Variants in KMT2A observed in about 807,000 individuals in gnomAD.
KMT2A encodes histone-lysine N-methyltransferase 2A.
A neutral mutation model predicts 345.3 loss-of-function variants in KMT2A; 16 were observed. That is an observed-to-expected ratio of 0.05 (90% confidence interval 0.03 to 0.07). The LOEUF (loss-of-function observed/expected upper bound fraction) is 0.07. KMT2A is among the 10% of genes least tolerant of loss of function. The probability of loss-of-function intolerance (pLI) is 1.00; values close to 1 mark genes in which losing one functional copy is unlikely to be tolerated. For missense variants in KMT2A, 3,272 were observed against 4,841.6 expected (o/e 0.68, Z 9.62); for synonymous variants, 1,599 against 1,778.6 (o/e 0.90, Z 2.54).
At chr11:118,486,079 T>C (rs1950224342) in intron 10 of KMT2A, among the ~76,000 whole-genome samples, 1 of 151,698 alleles carries the variant, frequency 6.6e-6, no homozygotes, top group Non-Finnish European at 1.5e-5. Context: ...CAAGACTCCG[T>C]CTCAAAAAAA....
Position 118,524,818 on chromosome 11 carries a change from A to T in KMT2A, c.*2646A>T, listed in dbSNP as rs528885633. 18 of 183,228 alleles carry T rather than the reference A, an allele frequency of 9.8e-5. No individual in the cohort carries two copies. The East Asian group carries it at 1.6e-3, about 16-fold the overall frequency. 11.4% of individuals were successfully genotyped at this position (183,228 alleles called of 1,614,324 possible). ...AAAGGCCAGTCAGGGGGTGGGGGGA[A>T]CTCAGCTAAATAGACCTAGTTACTG... On this transcript the variant is annotated 3_prime_UTR_variant, in exon 36 of 36. Coordinates refer to ENST00000534358, the MANE Select transcript of KMT2A (RefSeq NM_001197104.2).
Position 118,472,169 on chromosome 11 carries a change from C to T in KMT2A, c.1010C>T (p.Thr337Ile). The change falls in exon 3 of 36, where the codon ACA (threonine) becomes ATA (isoleucine). Residue 337 changes from threonine (T) to isoleucine (I), a missense_variant. Around this residue, in one of 27 missense-constraint regions of KMT2A, gnomAD observed 412 missense variants for 511.0 expected, o/e 0.81. Transcript: ENST00000534358. ...AAAGTCCGGAAAGACAAGGAAGGAACACCTCCACTTACAAAAGAAGATAAG... is the reference window on the plus strand; with the variant it reads ...AAAGTCCGGAAAGACAAGGAAGGAATACCTCCACTTACAAAAGAAGATAAG... ...PQKVRKDKEG[T>I]PPLTKEDKTV... 6.2e-7 allele frequency: 1 copy of T among 1,614,016 alleles called. No individual in the cohort carries two copies. Among genetic ancestry groups the T allele is most frequent in the Non-Finnish European group, 8.5e-7 (1 of 1,180,016 alleles).
chr11:118,504,644 A>G lies in KMT2A; in HGVS notation c.8752A>G (p.Ile2918Val), dbSNP rs1950551674. ...EPVDSSVSSS[I>V]SAEEQFELPL... ...TGTGGATAGTAGTGTCTCTTCCTCT[A>G]TCTCAGCAGAGGAACAGTTTGAGTT... The change falls in exon 27 of 36, where the codon ATC becomes GTC. Residue 2918 changes from isoleucine to valine, a missense_variant. Ile to Val is a conservative substitution (Grantham distance 29). Transcript: ENST00000534358. The surrounding 1 kb of genome is among the most constrained non-coding windows in gnomAD (Gnocchi z 6.4). 2.5e-6 allele frequency: 4 copies of G among 1,613,682 alleles called. No individual in the cohort carries two copies. The highest frequency in any genetic ancestry group is 3.4e-6 in the Non-Finnish European group (4 of 1,179,578).
Position 118,468,804 on chromosome 11 carries a change from T to C in KMT2A, c.462T>C (p.Asp154=). 2 of 1,613,170 alleles carry C rather than the reference T, an allele frequency of 1.2e-6. No homozygotes were observed. The highest frequency in any genetic ancestry group is 1.7e-6 in the Non-Finnish European group (2 of 1,179,306). Reference sequence around the variant, plus strand: ...AGCAATTCTTAGGTTTTGGCTCAGATGAAGAAGTCAGAGTGCGAAGTCCCA... The same window carrying C: ...AGCAATTCTTAGGTTTTGGCTCAGACGAAGAAGTCAGAGTGCGAAGTCCCA... ...EDEQFLGFGS[D]EEVRVRSPTR... The change falls in exon 2 of 36, where the codon GAT becomes GAC. Residue 154 remains aspartate, a synonymous_variant. Transcript: ENST00000534358.
chr11:118,472,104 T>G lies in KMT2A; in HGVS notation c.945T>G (p.Pro315=). 6.2e-7 allele frequency: 1 copy of G among 1,613,836 alleles called. No homozygotes were observed. Residue 315 remains proline (P), a synonymous_variant, in exon 3 of 36, where the codon CCT becomes CCG. Transcript: ENST00000534358. ...RPPSTERIKT[P]SGLLINSELE... ...CATCAACAGAAAGGATAAAGACCCC[T>G]TCGGGTCTCCTCATTAATTCTGAAC... is the stretch of plus-strand genomic sequence containing the variant.
Position 118,473,493 on chromosome 11 carries a change from C to G in KMT2A, c.2334C>G (p.Ser778=), listed in dbSNP as rs148319291. Residue 778 remains serine (S), a synonymous_variant, in exon 3 of 36, where the codon TCC becomes TCG. Transcript: ENST00000534358. This position sits in a 1 kb window ranked among gnomAD's most constrained non-coding sequence, Gnocchi z 5.2. ...SPLTPPSSVS[S]SLSISVSPLA... is the part of the protein sequence containing the mutation. The stretch of plus-strand genomic sequence containing the variant: ...TCACCCCCCCGTCTTCTGTCTCTTC[C>G]TCGTTAAGCATTTCTGTTAGTCCTC... The G allele has an allele frequency of 6.2e-7, 1 of 1,614,020 alleles. No individual in the cohort carries two copies. The highest frequency in any genetic ancestry group is 1.3e-5 in the African/African-American group (1 of 74,916).
In KMT2A at chr11:118,503,147, G is replaced by A. The variant is rs782181274; in HGVS notation, c.7255G>A (p.Glu2419Lys). The A allele has an allele frequency of 7.6e-5, 123 of 1,613,724 alleles. No individual in the cohort carries two copies. The Middle Eastern group carries it at 9.9e-4, about 13-fold the overall frequency. ...GMSNRSSIIN[E>K]HMGSSSRDRR... ...GAGCAACAGATCATCCATTATCAAC[G>A]AACATATGGGATCTAGTTCCAGAGA... Residue 2419 changes from glutamate to lysine, a missense_variant, in exon 27 of 36, where the codon GAA (glutamate) becomes AAA (lysine). Coordinates refer to ENST00000534358, the MANE Select transcript of KMT2A (RefSeq NM_001197104.2). This position sits in a 1 kb window ranked among gnomAD's most constrained non-coding sequence, Gnocchi z 5.3.
In KMT2A at chr11:118,494,258, G is replaced by T. The variant is rs1950369376; in HGVS notation, c.5179-30G>T. 1 of 1,146,428 alleles carries T rather than the reference G, an allele frequency of 8.7e-7. No individual in the cohort carries two copies. Among genetic ancestry groups the T allele is most frequent in the Non-Finnish European group, 1.3e-6 (1 of 755,336 alleles). 71.0% of individuals were successfully genotyped at this position (1,146,428 alleles called of 1,614,324 possible). ...TGGTTTTCAGAGCACACTGTTTTAA[G>T]AATAATTAACATTTTGTTTTTGTAT... On this transcript the variant is annotated intron_variant, in intron 16 of 35. Coordinates refer to ENST00000534358, the MANE Select transcript of KMT2A (RefSeq NM_001197104.2). This position sits in a 1 kb window ranked among gnomAD's most constrained non-coding sequence, Gnocchi z 5.8.
chr11:118,504,169 T>C lies in KMT2A; in HGVS notation c.8277T>C (p.Asp2759=), dbSNP rs372354558. The C allele has an allele frequency of 1.2e-6, 2 of 1,614,076 alleles. No homozygotes were observed. Among genetic ancestry groups the C allele is most frequent in the Non-Finnish European group, 1.7e-6 (2 of 1,180,028 alleles). ...KENGTENLKI[D]RPEDAGEKEH... is the part of the protein sequence containing the mutation. The stretch of plus-strand genomic sequence containing the variant: ...ATGGAACAGAGAACTTAAAGATTGA[T>C]AGACCTGAAGATGCTGGGGAGAAAG... The change falls in exon 27 of 36, where the codon GAT becomes GAC. Residue 2759 remains aspartate (D), a synonymous_variant. Transcript: ENST00000534358. The surrounding 1 kb of genome is among the most constrained non-coding windows in gnomAD (Gnocchi z 6.4).
chr11:118,499,636 T>G (rs916792255), intron 23 of KMT2A, among the ~76,000 whole-genome samples, 199 bp from the exon 24 acceptor site: 19 of 149,188 alleles, frequency 1.3e-4, no homozygotes, highest in Admixed American at 6.0e-4. Flanking sequence ...AAAAATTAGC[T>G]GGGAGTGGTG....
At chr11:118,475,317 T>G (rs1950016441) in intron 3 of KMT2A, among the ~76,000 whole-genome samples, 1 of 152,178 alleles carries the variant, frequency 6.6e-6, no homozygotes. Flanking sequence ...TCACTGGCCT[T>G]TTCTGAGAAA....
intron 25 of KMT2A, 125 bp downstream of exon 25, chr11:118,501,272 A>T: frequency 1.3e-6 from 1 of 791,438 alleles, no homozygotes; most frequent in Non-Finnish European, 2.0e-6. Context: ...AGCCTGGCCA[A>T]CATGGTGAAA....
At position 118,506,181 on chromosome 11, in the gene KMT2A, G is replaced by T. The variant is rs1555048277; in HGVS notation, c.10289G>T (p.Cys3430Phe). 6.2e-7 allele frequency: 1 copy of T among 1,614,164 alleles called. No homozygotes were observed. Among genetic ancestry groups the T allele is most frequent in the East Asian group, 2.2e-5 (1 of 44,880 alleles). Residue 3430 changes from cysteine to phenylalanine, a missense_variant, in exon 27 of 36, where the codon TGT (cysteine) becomes TTT (phenylalanine). By Grantham distance (205) the Cys-to-Phe change is radical (BLOSUM62 -2). This residue lies in a region of KMT2A where 748 missense variants were observed against 922.2 expected (regional missense o/e 0.81). Coordinates refer to ENST00000534358, the MANE Select transcript of KMT2A (RefSeq NM_001197104.2). ...TAAITAASSI[C>F]VLPSTQTTGI... Reference sequence around the variant, plus strand: ...GCAATAACAGCGGCATCTAGCATCTGTGTGCTCCCCTCCACTCAGACTACG... The same window carrying T: ...GCAATAACAGCGGCATCTAGCATCTTTGTGCTCCCCTCCACTCAGACTACG...
At chr11:118,481,620 G>A (rs1950133527) in intron 6 of KMT2A, 95 bp from the exon 7 acceptor site, 2 of 1,341,460 alleles carry the variant, frequency 1.5e-6, no homozygotes. Context: ...ATACCTAGCT[G>A]TGGGATTGCT....
In KMT2A at chr11:118,497,817, C is replaced by A; in HGVS notation, c.5665-119C>A. The A allele has an allele frequency of 1.4e-6, 1 of 706,086 alleles. No homozygotes were observed. The highest frequency in any genetic ancestry group is 2.6e-5 in the East Asian group (1 of 37,922). 43.7% of individuals were successfully genotyped at this position (706,086 alleles called of 1,614,324 possible). A position where few individuals can be genotyped will look rare whatever the true frequency, so the allele number is the denominator to read the frequency against. ...AGAATTCTGATTTCTGTGTGCCTCC[C>A]TCCATTAAAGAATTATAGTTGCTTT... On this transcript the variant is annotated intron_variant, in intron 20 of 35. Coordinates refer to ENST00000534358, the MANE Select transcript of KMT2A (RefSeq NM_001197104.2). The surrounding 1 kb of genome is among the most constrained non-coding windows in gnomAD (Gnocchi z 4.8).
chr11:118,519,527 CAG>C, intron 31 of KMT2A, 89 bp from the exon 32 acceptor site: 2 of 1,159,060 alleles, frequency 1.7e-6, no homozygotes, highest in South Asian at 1.4e-5. Flanking sequence ...CAGCCTCTGG[CAG>C]AGTGACTATA....
rs1950401410 is a variant in KMT2A at position 118,495,884 on chromosome 11, C to T, written c.5548C>T (p.Pro1850Ser). The part of the protein sequence containing the change: ...SPTPLHPPTP[P>S]ILSTDRSRED... ...AACTCCTCTGCATCCTCCTACACCA[C>T]CAATTTTGAGTAAGCCACCAAAAGG... Residue 1850 changes from proline (P) to serine (S), a missense_variant, in exon 19 of 36, where the codon CCA (proline) becomes TCA (serine). By Grantham distance (74) the Pro-to-Ser change is moderately conservative (BLOSUM62 -1). Coordinates refer to ENST00000534358, the MANE Select transcript of KMT2A (RefSeq NM_001197104.2). The surrounding 1 kb of genome is among the most constrained non-coding windows in gnomAD (Gnocchi z 4.1). 1 of 1,603,816 alleles carries T rather than the reference C, an allele frequency of 6.2e-7. No homozygotes were observed.
At chr11:118,461,264 A>G (rs2134229011) in intron 1 of KMT2A, among the ~76,000 whole-genome samples, 1 of 152,314 alleles carries the variant, frequency 6.6e-6, no homozygotes, top group East Asian at 1.9e-4. Flanking sequence ...GAATAACGTG[A>G]ATTTAGTGGT....
rs549864796 is a variant in KMT2A at position 118,466,802 on chromosome 11, A to AAAAAC, written c.433-1953_433-1949dup. 5.1e-3 allele frequency among the ~76,000 whole-genome samples: 769 copies of AAAAAC among 152,226 alleles called. 3 individuals are homozygous for AAAAAC. Among genetic ancestry groups the AAAAAC allele is most frequent in the African/African-American group, 0.018 (735 of 41,530 alleles). On this transcript the variant is annotated intron_variant, in intron 1 of 35. Transcript: ENST00000534358. Reference sequence around the variant, plus strand: ...CGACAGAGCAAGACTCTGCCTCAAAAAAAACAAAACAAAACAAAACAAAAA... The same window carrying AAAAAC: ...CGACAGAGCAAGACTCTGCCTCAAAAAAAACAAAACAAAACAAAACAAAACAAAAA...
Sources: allele counts gnomAD v4.1 joint callset (sites outside exome capture counted in the v4.1 genomes callset), GRCh38; gene constraint gnomAD v4.1.1; regional missense constraint gnomAD v4.1.1; non-coding constraint Gnocchi (gnomAD v3.1); transcripts MANE v1.5; gene names NCBI Gene and HGNC (gene_info 2026-07-23, HGNC 2026-07-21).